Variants in SLC9A4 observed in about 807,000 individuals in gnomAD.
SLC9A4 encodes the protein sodium/hydrogen exchanger 4.
In SLC9A4, 63 loss-of-function variants were observed where a neutral mutation model predicts 67.4. That is an observed-to-expected ratio of 0.93 (90% CI 0.76 to 1.15). The LOEUF (loss-of-function observed/expected upper bound fraction) is 1.15. Ranked by LOEUF, SLC9A4 falls within the 50% of genes most tolerant of loss-of-function variation. The pLI is 0.00. For missense variants in SLC9A4, 1,089 were observed against 987.7 expected (o/e 1.10, Z -1.38); for synonymous variants, 393 against 367.2 (o/e 1.07, Z -0.80).
intron 4 of SLC9A4, among the ~76,000 whole-genome samples, chr2:102,506,889 A>C (rs143002315): frequency 1.4e-3 from 210 of 152,316 alleles, no homozygotes; most frequent in African/African-American, 4.6e-3. Flanking sequence ...CAAAACAGTG[A>C]CAAAATTGGC....
chr2:102,515,371 A>G (rs1573351123), intron 8 of SLC9A4, among the ~76,000 whole-genome samples: 3 of 149,762 alleles, frequency 2.0e-5, no homozygotes, highest in Non-Finnish European at 4.5e-5. Context: ...AAAAGTCACT[A>G]AGAAATAAGG....
chr2:102,526,484 T>C, intron 11 of SLC9A4, 138 bp downstream of exon 11: 1 of 688,622 alleles, frequency 1.5e-6, no homozygotes, highest in Non-Finnish European at 2.3e-6. Context: ...AACAACTTCT[T>C]TTATAGTTGA....
Position 102,478,931 on chromosome 2 carries a change from A to G in SLC9A4, c.349A>G (p.Thr117Ala). ...GALVGGIIFG[T>A]DHKSPPVMDS... ...GCTGGTGGGCGGCATCATCTTCGGCACCGACCACAAATCGCCTCCGGTCAT... is the reference window on the plus strand; with the variant it reads ...GCTGGTGGGCGGCATCATCTTCGGCGCCGACCACAAATCGCCTCCGGTCAT... The change falls in exon 2 of 12, where the codon ACC (threonine) becomes GCC (alanine). Residue 117 changes from threonine (T) to alanine (A), a missense_variant. Coordinates refer to ENST00000295269, the MANE Select transcript of SLC9A4 (RefSeq NM_001011552.4). The G allele has an allele frequency of 3.1e-6, 5 of 1,614,064 alleles. No homozygotes were observed. The highest frequency in any genetic ancestry group is 4.2e-6 in the Non-Finnish European group (5 of 1,179,974).
At chr2:102,497,847 T>C (rs1255892201) in intron 2 of SLC9A4, among the ~76,000 whole-genome samples, 1 of 152,132 alleles carries the variant, frequency 6.6e-6, no homozygotes, top group Non-Finnish European at 1.5e-5. Flanking sequence ...AGAAAAAAAA[T>C]GTCAGCACAT....
Position 102,514,243 on chromosome 2 carries a change from A to G in SLC9A4, c.1713A>G (p.Ile571Met). 1 of 1,607,990 alleles carries G rather than the reference A, an allele frequency of 6.2e-7. No individual in the cohort carries two copies. Among genetic ancestry groups the G allele is most frequent in the Non-Finnish European group, 8.5e-7 (1 of 1,176,412 alleles). ...TGILSSTAFS[I>M]PHQAQRIQGI... ...TACTGAGCTCTACAGCTTTCTCCAT[A>G]CCCCATCAGTGAGTCATATCTGTTC... The change falls in exon 8 of 12, where the codon ATA (isoleucine) becomes ATG (methionine). Residue 571 changes from isoleucine (I) to methionine (M), a missense_variant. By Grantham distance (10) the Ile-to-Met change is conservative (BLOSUM62 1). Coordinates refer to ENST00000295269, the MANE Select transcript of SLC9A4 (RefSeq NM_001011552.4).
intron 9 of SLC9A4, among the ~76,000 whole-genome samples, chr2:102,521,447 A>T (rs1685417401): frequency 6.6e-6 from 1 of 152,148 alleles, no homozygotes; most frequent in South Asian, 2.1e-4. Context: ...TTTATTGCTG[A>T]TGACCTTGGG....
intron 6 of SLC9A4, among the ~76,000 whole-genome samples, chr2:102,511,468 T>C (rs1176523399): frequency 1.3e-5 from 2 of 152,122 alleles, no homozygotes; most frequent in East Asian, 3.8e-4. Context: ...TAGAAGGTAG[T>C]GAATTAATTA....
chr2:102,530,012 A>G (rs1294795330), intron 11 of SLC9A4, among the ~76,000 whole-genome samples: 1 of 152,256 alleles, frequency 6.6e-6, no homozygotes, highest in Non-Finnish European at 1.5e-5. Flanking sequence ...TGGCAATGGT[A>G]ACACGACAAT....
At chr2:102,519,623 G>A (rs1415972167) in intron 8 of SLC9A4, among the ~76,000 whole-genome samples, 3 of 152,132 alleles carry the variant, frequency 2.0e-5, no homozygotes, top group Admixed American at 6.5e-5. Flanking sequence ...TTAAAAAAAT[G>A]GGTTGGAATA....
In SLC9A4 at chr2:102,508,266, T is replaced by C; in HGVS notation, c.1386T>C (p.Phe462=). ...CTGCTACTCTAGTAGTTATATACTT[T>C]ACTGTATTTATTCAGGTAAGTAGAT... ...FVTATLVVIY[F]TVFIQGITVG... Residue 462 remains phenylalanine (F), a synonymous_variant, in exon 5 of 12, where the codon TTT becomes TTC. Coordinates refer to ENST00000295269, the MANE Select transcript of SLC9A4 (RefSeq NM_001011552.4). 6.2e-7 allele frequency: 1 copy of C among 1,612,274 alleles called. No homozygotes were observed. Among genetic ancestry groups the C allele is most frequent in the Non-Finnish European group, 8.5e-7 (1 of 1,178,622 alleles).
Position 102,473,503 on chromosome 2 carries a change from T to C in SLC9A4, c.-257T>C. On this transcript the variant is annotated 5_prime_UTR_variant, in exon 1 of 12. It removes an upstream start codon present in the reference 5' UTR. Transcript: ENST00000295269. Reference sequence around the variant, plus strand: ...GATGGAGGTCCTCCAGGTAGCTCCATGGACTTTAACAAGTCTATTGAATAA... The same window carrying C: ...GATGGAGGTCCTCCAGGTAGCTCCACGGACTTTAACAAGTCTATTGAATAA... 2 of 490,098 alleles carry C rather than the reference T, an allele frequency of 4.1e-6. No homozygotes were observed. Among genetic ancestry groups the C allele is most frequent in the South Asian group, 3.0e-5 (1 of 33,058 alleles). The allele number at this position is 490,098 out of a possible 1,614,324, so 30.4% of individuals were successfully genotyped here. A position where few individuals can be genotyped will look rare whatever the true frequency, so the allele number is the denominator to read the frequency against.
chr2:102,478,660 T>G (rs974975147), intron 1 of SLC9A4, among the ~76,000 whole-genome samples, 179 bp from the exon 2 acceptor site: 1 of 152,168 alleles, frequency 6.6e-6, no homozygotes, highest in Non-Finnish European at 1.5e-5. Context: ...GCTGGGCATG[T>G]TACCTACTGA....
Position 102,478,985 on chromosome 2 carries a change from C to A in SLC9A4, c.403C>A (p.Leu135Met), listed in dbSNP as rs1353091294. Residue 135 changes from leucine to methionine, a missense_variant, in exon 2 of 12, where the codon CTG (leucine) becomes ATG (methionine). Physicochemically the swap from Leu to Met is conservative, Grantham distance 15. Coordinates refer to ENST00000295269, the MANE Select transcript of SLC9A4 (RefSeq NM_001011552.4). ...MDSSIYFLYL[L>M]PPIVLEGGYF... ...CTCCAGCATCTACTTCCTGTATCTCCTGCCACCCATCGTTCTGGAGGGCGG... is the reference window on the plus strand; with the variant it reads ...CTCCAGCATCTACTTCCTGTATCTCATGCCACCCATCGTTCTGGAGGGCGG... 6.2e-7 allele frequency: 1 copy of A among 1,614,154 alleles called. No homozygotes were observed. The highest frequency in any genetic ancestry group is 1.1e-5 in the South Asian group (1 of 91,090).
At chr2:102,497,904 T>C (rs991094534) in intron 2 of SLC9A4, among the ~76,000 whole-genome samples, 2 of 152,246 alleles carry the variant, frequency 1.3e-5, no homozygotes, top group Non-Finnish European at 2.9e-5. Context: ...GAAGGACTAA[T>C]GTTTTTAGTC....
chr2:102,515,399 T>C (rs1035651711), intron 8 of SLC9A4, among the ~76,000 whole-genome samples: 1 of 148,892 alleles, frequency 6.7e-6, no homozygotes, highest in African/African-American at 2.5e-5. Context: ...CTTTGTATTA[T>C]ACTGAGATAA....
chr2:102,505,410 C>G lies in SLC9A4; in HGVS notation c.1137C>G (p.His379Gln). The change falls in exon 4 of 12, where the codon CAC becomes CAG. Residue 379 changes from histidine to glutamine, a missense_variant. His to Gln is a conservative substitution (Grantham distance 24). Coordinates refer to ENST00000295269, the MANE Select transcript of SLC9A4 (RefSeq NM_001011552.4). The part of the protein sequence containing the change: ...FMGVSTVGKN[H>Q]EWNWAFICFT... Reference sequence around the variant, plus strand: ...GTGTGTCCACTGTGGGCAAGAATCACGAGTGGAACTGGGCCTTCATCTGCT... The same window carrying G: ...GTGTGTCCACTGTGGGCAAGAATCAGGAGTGGAACTGGGCCTTCATCTGCT... The G allele has an allele frequency of 1.2e-6, 2 of 1,614,222 alleles. No homozygotes were observed. Among genetic ancestry groups the G allele is most frequent in the East Asian group, 2.2e-5 (1 of 44,882 alleles).
At chr2:102,514,335 C>T (rs571366874) in intron 8 of SLC9A4, 84 bp downstream of exon 8, 10 of 901,292 alleles carry the variant, frequency 1.1e-5, no homozygotes, top group East Asian at 2.7e-5. Context: ...TAAAGGTATA[C>T]GAGGAGTAAA....
At position 102,508,853 on chromosome 2, in the gene SLC9A4, A is replaced by C; in HGVS notation, c.1408A>C (p.Thr470Pro). The C allele has an allele frequency of 1.9e-6, 3 of 1,610,352 alleles. No homozygotes were observed. Among genetic ancestry groups the C allele is most frequent in the Non-Finnish European group, 2.5e-6 (3 of 1,178,870 alleles). The change falls in exon 6 of 12, where the codon ACA (threonine) becomes CCA (proline). Residue 470 changes from threonine to proline, a missense_variant. Coordinates refer to ENST00000295269, the MANE Select transcript of SLC9A4 (RefSeq NM_001011552.4). Reference protein sequence around the residue: ...IYFTVFIQGITVGPLVRYLDV... With the variant: ...IYFTVFIQGIPVGPLVRYLDV... ...TTTGTTATTTCTGATCTAGGGAATCACAGTTGGCCCTCTGGTCAGGTACCT... is the reference window on the plus strand; with the variant it reads ...TTTGTTATTTCTGATCTAGGGAATCCCAGTTGGCCCTCTGGTCAGGTACCT...
chr2:102,510,237 A>AGATACC, intron 6 of SLC9A4, among the ~76,000 whole-genome samples: 1 of 141,004 alleles, frequency 7.1e-6, no homozygotes, highest in African/African-American at 2.7e-5. Flanking sequence ...ATACGGATAC[A>AGATACC]GATACAGATA....
Sources: allele counts gnomAD v4.1 joint callset (sites outside exome capture counted in the v4.1 genomes callset), GRCh38; gene constraint gnomAD v4.1.1; transcripts MANE v1.5; gene names NCBI Gene and HGNC (gene_info 2026-07-23, HGNC 2026-07-21).